The following UTRN variants were observed in gnomAD, a reference collection of about 807,000 sequenced individuals.
The protein encoded by UTRN is dystrophin-related protein 1.
UTRN carries 283 observed loss-of-function variants against 463.9 expected under a neutral mutation model. The observed-to-expected ratio is 0.61, with a 90% CI of 0.55 to 0.67. UTRN has a LOEUF of 0.67. Among genes scored for constraint, UTRN ranks in the 30% least tolerant of loss-of-function variants. The pLI is 0.00. For missense variants in UTRN, 3,922 were observed against 4,084.3 expected (o/e 0.96, Z 1.08); for synonymous variants, 1,442 against 1,431.5 (o/e 1.01, Z -0.17).
intron 62 of UTRN, among the ~76,000 whole-genome samples, chr6:144,789,677 G>C (rs1776594494): frequency 6.6e-6 from 1 of 152,078 alleles, no homozygotes; most frequent in Non-Finnish European, 1.5e-5. Flanking sequence ...TAGATACTAG[G>C]TTTTTCTGAC....
intron 2 of UTRN, among the ~76,000 whole-genome samples, chr6:144,317,329 G>A (rs1398020121): frequency 6.6e-6 from 1 of 152,148 alleles, no homozygotes; most frequent in Non-Finnish European, 1.5e-5. Context: ...AAAAAAGAGA[G>A]ATTGCAGGAA....
chr6:144,671,149 T>G (rs1348392613), intron 51 of UTRN, among the ~76,000 whole-genome samples: 2 of 29,730 alleles, frequency 6.7e-5, no homozygotes, highest in African/African-American at 3.6e-4. Context: ...AATTTTAGAG[T>G]TTTTTTTTTT....
intron 51 of UTRN, among the ~76,000 whole-genome samples, chr6:144,654,844 C>T (rs1396357592): frequency 6.6e-6 from 1 of 152,214 alleles, no homozygotes; most frequent in Non-Finnish European, 1.5e-5. Context: ...TTGCTGAAGG[C>T]TGACTCCTGC....
intron 41 of UTRN, among the ~76,000 whole-genome samples, chr6:144,529,098 C>T (rs1472867345): frequency 6.6e-6 from 1 of 152,142 alleles, no homozygotes; most frequent in Non-Finnish European, 1.5e-5. Flanking sequence ...CAGTTGCAGG[C>T]CTCACTCAGT....
chr6:144,615,581 A>C (rs1024805298), intron 51 of UTRN, among the ~76,000 whole-genome samples: 2 of 151,968 alleles, frequency 1.3e-5, no homozygotes, highest in African/African-American at 4.8e-5. Flanking sequence ...TTGATTGCTC[A>C]TTTTTTCACC....
chr6:144,852,714 A>G lies in UTRN; in HGVS notation c.*1717A>G, dbSNP rs1016483669. On this transcript the variant is annotated 3_prime_UTR_variant, in exon 75 of 75. Transcript: ENST00000367545. ...CCCAAGAAAGCACCTATTTAAAGAA[A>G]AAACAATTCCCTGAGCTCTCAACTC... The G allele has an allele frequency of 1.3e-5, 2 of 152,612 alleles. No individual in the cohort carries two copies. The highest frequency in any genetic ancestry group is 4.8e-5 in the African/African-American group (2 of 41,446). The allele number at this position is 152,612 out of a possible 1,614,324, so 9.5% of individuals were successfully genotyped here.
chr6:144,846,541 T>C (rs1456007238), intron 73 of UTRN, among the ~76,000 whole-genome samples: 1 of 152,158 alleles, frequency 6.6e-6, no homozygotes, highest in Non-Finnish European at 1.5e-5. Flanking sequence ...CAAGACTAAG[T>C]GCTCAGTGAA....
intron 2 of UTRN, 81 bp from the exon 3 acceptor site, chr6:144,403,042 A>C: frequency 2.3e-6 from 3 of 1,286,566 alleles, no homozygotes; most frequent in African/African-American, 2.9e-5. Flanking sequence ...ACTCTCCAGG[A>C]TAGAGATAAC....
At position 144,451,380 on chromosome 6, in the gene UTRN, A is replaced by T. The variant is rs756503195; in HGVS notation, c.2083A>T (p.Ile695Leu). 2 of 1,612,868 alleles carry T rather than the reference A, an allele frequency of 1.2e-6. No homozygotes were observed. The highest frequency in any genetic ancestry group is 2.7e-5 in the African/African-American group (2 of 74,842). The change falls in exon 18 of 75, where the codon ATA becomes TTA. Residue 695 changes from isoleucine (I) to leucine (L), a missense_variant. Physicochemically the swap from Ile to Leu is conservative, Grantham distance 5. This residue lies in a region of UTRN where 2,349 missense variants were observed against 2,303.8 expected (regional missense o/e 1.02). Transcript: ENST00000367545. ...TGAATCTTCAAACAGGTTTGATGCT[A>T]TAAGTGCAGAGCTGTTGAACTGGAT... Reference protein sequence around the residue: ...DIEAKKKFDAISAELLNWILK... With the variant: ...DIEAKKKFDALSAELLNWILK...
At chr6:144,326,084 CAG>C (rs1775955537) in intron 2 of UTRN, among the ~76,000 whole-genome samples, 2 of 152,088 alleles carry the variant, frequency 1.3e-5, no homozygotes, top group Non-Finnish European at 2.9e-5. Flanking sequence ...AAACAGATAA[CAG>C]AGGAAAGGGG....
At chr6:144,671,847 G>T (rs1190695184) in intron 51 of UTRN, among the ~76,000 whole-genome samples, 2 of 152,002 alleles carry the variant, frequency 1.3e-5, no homozygotes, top group Non-Finnish European at 2.9e-5. Context: ...TGCCAATTTT[G>T]CTGAGGGTTT....
intron 2 of UTRN, among the ~76,000 whole-genome samples, chr6:144,395,697 A>G (rs1782343421): frequency 6.6e-6 from 1 of 152,180 alleles, no homozygotes; most frequent in African/African-American, 2.4e-5. Context: ...TATGGTGTGG[A>G]TTAAATGTGA....
intron 2 of UTRN, among the ~76,000 whole-genome samples, chr6:144,307,644 A>C (rs912316810): frequency 6.6e-6 from 1 of 152,200 alleles, no homozygotes; most frequent in Admixed American, 6.5e-5. Context: ...CAAACAAAAG[A>C]CCTGATTGCT....
At chr6:144,326,795 T>A (rs1381983441) in intron 2 of UTRN, among the ~76,000 whole-genome samples, 1 of 152,182 alleles carries the variant, frequency 6.6e-6, no homozygotes, top group Non-Finnish European at 1.5e-5. Flanking sequence ...ATCTGGTAGA[T>A]GCTTTAAGGG....
chr6:144,366,820 G>T (rs1779548954), intron 2 of UTRN, among the ~76,000 whole-genome samples: 1 of 152,184 alleles, frequency 6.6e-6, no homozygotes, highest in South Asian at 2.1e-4. Flanking sequence ...TTGAGGAATT[G>T]CCACACTGCT....
intron 65 of UTRN, among the ~76,000 whole-genome samples, chr6:144,817,066 T>C (rs1779152978): frequency 6.6e-6 from 1 of 152,194 alleles, no homozygotes; most frequent in Non-Finnish European, 1.5e-5. Context: ...GACATAGTCT[T>C]GTAAAAAGGC....
chr6:144,484,751 A>G (rs747116683), intron 27 of UTRN, among the ~76,000 whole-genome samples: 15 of 151,986 alleles, frequency 9.9e-5, no homozygotes, highest in Non-Finnish European at 1.8e-4. Context: ...TCTTTAAAAA[A>G]CAAACTAAAT....
chr6:144,631,019 G>T (rs1175414215), intron 51 of UTRN, among the ~76,000 whole-genome samples: 2 of 152,066 alleles, frequency 1.3e-5, no homozygotes, highest in Non-Finnish European at 2.9e-5. Flanking sequence ...GGTATTAGCG[G>T]TCATGTCCCC....
At chr6:144,301,525 T>C (rs559477833) in intron 2 of UTRN, among the ~76,000 whole-genome samples, 70 of 136,168 alleles carry the variant, frequency 5.1e-4, no homozygotes, top group Non-Finnish European at 8.0e-4. Context: ...CCATCCTATC[T>C]TTCTTTCTTT....
Sources: allele counts gnomAD v4.1 joint callset (sites outside exome capture counted in the v4.1 genomes callset), GRCh38; gene constraint gnomAD v4.1.1; regional missense constraint gnomAD v4.1.1; transcripts MANE v1.5; gene names NCBI Gene and HGNC (gene_info 2026-07-23, HGNC 2026-07-21).